The following RAP1GAP variants were observed in gnomAD, a reference collection of about 807,000 sequenced individuals.
The protein encoded by RAP1GAP is RAP1 GTPase activating protein.
RAP1GAP carries 35 observed loss-of-function variants against 87.2 expected under a neutral mutation model. The ratio of observed to expected loss-of-function variants is 0.40; its 90% CI spans 0.31 to 0.53. The LOEUF (loss-of-function observed/expected upper bound fraction) is 0.53, where lower values mean the gene tolerates loss of function less well. Ranked by LOEUF, RAP1GAP falls within the 20% of genes least tolerant of loss-of-function variation. The pLI is 0.48. For synonymous variants in RAP1GAP, 375 were observed against 363.9 expected, an observed-to-expected ratio of 1.03 and a Z score of -0.35; for missense variants, 734 against 898.9, an observed-to-expected ratio of 0.82 and a Z score of 2.35.
At chr1:21,639,822 C>T (rs2095338606) in intron 2 of RAP1GAP, among the ~76,000 whole-genome samples, 1 of 152,188 alleles carries the variant, frequency 6.6e-6, no homozygotes, top group South Asian at 2.1e-4. Context: ...TGTTCCGCAG[C>T]TCTGCCTGGT....
chr1:21,660,353 T>TATATATATATATATATATATAGA, intron 1 of RAP1GAP, among the ~76,000 whole-genome samples: 2 of 26,812 alleles, frequency 7.5e-5, no homozygotes, highest in Non-Finnish European at 1.7e-4. Flanking sequence ...ATATATTTAT[T>TATATATATATATATATATATAGA]GAGACAGTCT....
intron 2 of RAP1GAP, among the ~76,000 whole-genome samples, chr1:21,633,693 G>C (rs993956437): frequency 2.6e-5 from 4 of 152,134 alleles, no homozygotes; most frequent in African/African-American, 9.7e-5. Flanking sequence ...TGAATACAGG[G>C]CAGAGAAGAA....
intron 21 of RAP1GAP, among the ~76,000 whole-genome samples, chr1:21,599,120 G>C (rs978246451): frequency 6.6e-6 from 1 of 152,244 alleles, no homozygotes; most frequent in African/African-American, 2.4e-5. Flanking sequence ...AAAGAAAGGA[G>C]GAGGCGGCAG....
At chr1:21,598,137 G>A in intron 22 of RAP1GAP, 73 bp from the exon 23 acceptor site, 1 of 1,038,390 alleles carries the variant, frequency 9.6e-7, no homozygotes, top group Non-Finnish European at 1.4e-6. Flanking sequence ...GCATAGGTGG[G>A]CGGTCGGCAC....
At chr1:21,605,702 G>A (rs1016393305) in intron 18 of RAP1GAP, among the ~76,000 whole-genome samples, 11 of 152,056 alleles carry the variant, frequency 7.2e-5, no homozygotes, top group Middle Eastern at 3.4e-3. Flanking sequence ...TTGACAGTAG[G>A]TGCCCACACA....
At position 21,609,549 on chromosome 1, in the gene RAP1GAP, C is replaced by G; in HGVS notation, c.1071+26G>C. On this transcript the variant is annotated intron_variant, in intron 15 of 24. Coordinates refer to ENST00000374765, the MANE Select transcript of RAP1GAP (RefSeq NM_002885.4). The surrounding 1 kb of genome is among the most constrained non-coding windows in gnomAD (Gnocchi z 4.4). ...GCCCCCACCCATTTGTCCTGCTCTGCCCATGACTGGGGGGGTGCCCCTCAC... is the reference window on the plus strand; with the variant it reads ...GCCCCCACCCATTTGTCCTGCTCTGGCCATGACTGGGGGGGTGCCCCTCAC... The G allele has an allele frequency of 1.4e-6, 2 of 1,420,548 alleles. No homozygotes were observed. Among genetic ancestry groups the G allele is most frequent in the Non-Finnish European group, 1.9e-6 (2 of 1,044,974 alleles). The allele number at this position is 1,420,548 out of a possible 1,614,324, so 88.0% of individuals were successfully genotyped here.
intron 1 of RAP1GAP, among the ~76,000 whole-genome samples, chr1:21,661,707 C>T (rs1187351129): frequency 6.6e-6 from 1 of 152,238 alleles, no homozygotes; most frequent in African/African-American, 2.4e-5. Flanking sequence ...AGTAGGCACA[C>T]AATAAATGGA....
At chr1:21,635,995 C>A (rs1202119762) in intron 2 of RAP1GAP, among the ~76,000 whole-genome samples, 1 of 152,214 alleles carries the variant, frequency 6.6e-6, no homozygotes, top group Non-Finnish European at 1.5e-5. Flanking sequence ...GTGGAGAGGA[C>A]CTTAGACTCT....
At position 21,606,117 on chromosome 1, in the gene RAP1GAP, G is replaced by A. The variant is rs572282164; in HGVS notation, c.1377C>T (p.His459=). The change falls in exon 18 of 25, where the codon CAC becomes CAT. Residue 459 remains histidine (H), a synonymous_variant. Transcript: ENST00000374765. The part of the protein sequence containing the change: ...NKKPNTVSTS[H]SGSFAPNNPD... ...GGTTGTTGGGCGCGAAGCTCCCGCTGTGGCTGGTGGACACGGTGTTGGGCT... is the reference window on the plus strand; with the variant it reads ...GGTTGTTGGGCGCGAAGCTCCCGCTATGGCTGGTGGACACGGTGTTGGGCT... 5 of 1,587,200 alleles carry A rather than the reference G, an allele frequency of 3.2e-6. No individual in the cohort carries two copies. The Admixed American group carries it at 7.2e-5, about 23-fold the overall frequency.
At chr1:21,626,548 G>A (rs1471031999) in intron 2 of RAP1GAP, among the ~76,000 whole-genome samples, 151 bp from the exon 3 acceptor site, 1 of 152,092 alleles carries the variant, frequency 6.6e-6, no homozygotes, top group Non-Finnish European at 1.5e-5. Context: ...GGAGAGGAGG[G>A]GCTTCATTAG....
intron 2 of RAP1GAP, among the ~76,000 whole-genome samples, chr1:21,640,284 C>T (rs1479279743): frequency 1.3e-5 from 2 of 152,176 alleles, no homozygotes; most frequent in African/African-American, 4.8e-5. Flanking sequence ...GAAGCTGCTC[C>T]GAACCTGACC....
At position 21,598,036 on chromosome 1, in the gene RAP1GAP, G is replaced by A. The variant is rs753904131; in HGVS notation, c.1908C>T (p.Ala636=). 1.1e-5 allele frequency: 17 copies of A among 1,583,078 alleles called. No individual in the cohort carries two copies. Among genetic ancestry groups the A allele is most frequent in the African/African-American group, 2.7e-5 (2 of 74,326 alleles). ...GACACGCAGGGTCCCCCAACTTGCCGGCGTCTGGGTGGGGTGATCGAGAGG... is the reference window on the plus strand; with the variant it reads ...GACACGCAGGGTCCCCCAACTTGCCAGCGTCTGGGTGGGGTGATCGAGAGG... ...PGPSRSPHPD[A]GKLGDPACPE... The change falls in exon 23 of 25, where the codon GCC becomes GCT. Residue 636 remains alanine (A), a synonymous_variant. Coordinates refer to ENST00000374765, the MANE Select transcript of RAP1GAP (RefSeq NM_002885.4).
chr1:21,631,044 G>T (rs560436939), intron 2 of RAP1GAP, among the ~76,000 whole-genome samples: 1 of 151,904 alleles, frequency 6.6e-6, no homozygotes, highest in East Asian at 1.9e-4. Context: ...CAATGTGGTC[G>T]TTTCCTCCCA....
chr1:21,628,043 A>G (rs1166417817), intron 2 of RAP1GAP, among the ~76,000 whole-genome samples: 13 of 152,254 alleles, frequency 8.5e-5, no homozygotes, highest in African/African-American at 3.1e-4. Flanking sequence ...GAATTCACTC[A>G]ATGAAAACTT....
At chr1:21,640,607 C>A (rs1246706346) in intron 2 of RAP1GAP, among the ~76,000 whole-genome samples, 1 of 152,200 alleles carries the variant, frequency 6.6e-6, no homozygotes, top group African/African-American at 2.4e-5. Flanking sequence ...CTGGGAAAGG[C>A]CAAGGCAACC....
intron 4 of RAP1GAP, among the ~76,000 whole-genome samples, chr1:21,619,369 T>TG (rs1444366452): frequency 6.2e-5 from 5 of 81,108 alleles, no homozygotes; most frequent in South Asian, 3.7e-4. Flanking sequence ...AGCTGGCGGG[T>TG]GGGGGGACTG....
chr1:21,632,709 G>A (rs1348731917), intron 2 of RAP1GAP, among the ~76,000 whole-genome samples: 1 of 152,028 alleles, frequency 6.6e-6, no homozygotes, highest in African/African-American at 2.4e-5. Flanking sequence ...AGACCAGCCT[G>A]GGCAGCAAAG....
chr1:21,650,792 A>T (rs2096503393), intron 1 of RAP1GAP, among the ~76,000 whole-genome samples: 1 of 152,162 alleles, frequency 6.6e-6, no homozygotes, highest in Admixed American at 6.5e-5. Context: ...ACAGCTAGCA[A>T]GACCCCATAT....
chr1:21,668,964 G>C lies in RAP1GAP; in HGVS notation c.-149+290C>G, dbSNP rs2097485036. Among the ~76,000 whole-genome samples the C allele has an allele frequency of 6.6e-6, 1 of 151,658 alleles. No individual in the cohort carries two copies. Among genetic ancestry groups the C allele is most frequent in the African/African-American group, 2.4e-5 (1 of 41,348 alleles). ...AAACTGGACTCCCCACCCACCCAGGGGGGTGGGACCAAAGCCCCCTGGCCG... is the reference window on the plus strand; with the variant it reads ...AAACTGGACTCCCCACCCACCCAGGCGGGTGGGACCAAAGCCCCCTGGCCG... On this transcript the variant is annotated intron_variant, in intron 1 of 24. Transcript: ENST00000374765. The surrounding 1 kb of genome is among the most constrained non-coding windows in gnomAD (Gnocchi z 6.2).
Sources: allele counts gnomAD v4.1 joint callset (sites outside exome capture counted in the v4.1 genomes callset), GRCh38; gene constraint gnomAD v4.1.1; non-coding constraint Gnocchi (gnomAD v3.1); transcripts MANE v1.5; gene names NCBI Gene and HGNC (gene_info 2026-07-23, HGNC 2026-07-21).